VWC2L: variants seen among roughly 807,000 people sequenced by gnomAD.
The protein encoded by VWC2L is von Willebrand factor C domain containing 2 like, also known as von Willebrand factor C domain-containing protein 2-like.
In VWC2L, 10 loss-of-function variants were observed where a neutral mutation model predicts 21.6. The observed-to-expected ratio is 0.46, with a 90% CI of 0.29 to 0.78. VWC2L has a LOEUF of 0.78. VWC2L is among the 30% of genes least tolerant of loss of function. VWC2L has a pLI of 0.10. For synonymous variants in VWC2L, 96 were observed against 94.3 expected (o/e 1.02, Z -0.10); for missense variants, 209 against 277.1 (o/e 0.75, Z 1.74).
At chr2:214,450,813 AATG>A (rs1387967847) in intron 3 of VWC2L, among the ~76,000 whole-genome samples, 5 of 152,166 alleles carry the variant, frequency 3.3e-5, no homozygotes, top group East Asian at 1.9e-4. Flanking sequence ...TGGCTGGTCT[AATG>A]ATGATTAATA....
At chr2:214,500,420 C>T (rs1688876102) in intron 3 of VWC2L, among the ~76,000 whole-genome samples, 1 of 152,174 alleles carries the variant, frequency 6.6e-6, no homozygotes, top group South Asian at 2.1e-4. Context: ...TCTTGCATTG[C>T]CATTCTTTGT....
intron 3 of VWC2L, among the ~76,000 whole-genome samples, chr2:214,548,559 A>C (rs764273070): frequency 2.6e-4 from 39 of 152,218 alleles, no homozygotes; most frequent in Non-Finnish European, 1.6e-4. Flanking sequence ...AGAGCATGGA[A>C]GCATCCTTGA....
chr2:214,414,790 C>T, intron 2 of VWC2L: 1 of 595,752 alleles, frequency 1.7e-6, no homozygotes, highest in South Asian at 2.3e-5. Flanking sequence ...GCACAATAAC[C>T]TTTATTTTTT....
intron 3 of VWC2L, among the ~76,000 whole-genome samples, chr2:214,512,155 C>A (rs1023340204): frequency 1.3e-5 from 2 of 152,086 alleles, no homozygotes; most frequent in Non-Finnish European, 2.9e-5. Context: ...ATAAATTTTT[C>A]TTTCTACAAC....
chr2:214,497,744 A>G (rs1332938833), intron 3 of VWC2L, among the ~76,000 whole-genome samples: 1 of 152,222 alleles, frequency 6.6e-6, no homozygotes, highest in African/African-American at 2.4e-5. Context: ...AGACCTGATG[A>G]ATCAGAATCT....
At chr2:214,518,604 C>T (rs1039403794) in intron 3 of VWC2L, among the ~76,000 whole-genome samples, 1 of 152,182 alleles carries the variant, frequency 6.6e-6, no homozygotes, top group African/African-American at 2.4e-5. Context: ...TGTTTTATGG[C>T]ACTTTCCCCC....
chr2:214,539,309 T>C (rs560490560), intron 3 of VWC2L, among the ~76,000 whole-genome samples: 91 of 152,286 alleles, frequency 6.0e-4, no homozygotes, highest in Non-Finnish European at 9.3e-4. Flanking sequence ...GAAAAGTTTA[T>C]AAAATTACTT....
chr2:214,565,295 T>A (rs111698992), intron 3 of VWC2L, among the ~76,000 whole-genome samples: 1 of 152,222 alleles, frequency 6.6e-6, no homozygotes, highest in African/African-American at 2.4e-5. Flanking sequence ...CCTACTCTTT[T>A]ATTGAGCTTG....
chr2:214,418,423 G>A (rs764952237), intron 2 of VWC2L, among the ~76,000 whole-genome samples: 35 of 152,136 alleles, frequency 2.3e-4, no homozygotes, highest in Non-Finnish European at 4.7e-4. Context: ...CAGGCAGCTT[G>A]ACTGCAGAAT....
In VWC2L at chr2:214,447,639, T is replaced by A. The variant is rs547561729; in HGVS notation, c.520+10881T>A. Among the ~76,000 whole-genome samples, 4 of 152,220 alleles carry A rather than the reference T, an allele frequency of 2.6e-5. No homozygotes were observed. The South Asian group carries it at 8.3e-4, about 32-fold the overall frequency. On this transcript the variant is annotated intron_variant, in intron 3 of 3. Transcript: ENST00000312504. Reference sequence around the variant, plus strand: ...AAACAAAGCTGTGGTGTGTTCTTCATCCTTAAATGTAAATGCCTTCAAAAG... The same window carrying A: ...AAACAAAGCTGTGGTGTGTTCTTCAACCTTAAATGTAAATGCCTTCAAAAG...
chr2:214,495,793 T>C (rs1049527138), intron 3 of VWC2L, among the ~76,000 whole-genome samples: 1 of 152,182 alleles, frequency 6.6e-6, no homozygotes, highest in African/African-American at 2.4e-5. Flanking sequence ...ATTTTACACA[T>C]AAGGATATAT....
At chr2:214,508,654 CCTTGA>C (rs1043891610) in intron 3 of VWC2L, among the ~76,000 whole-genome samples, 1 of 152,126 alleles carries the variant, frequency 6.6e-6, no homozygotes, top group Non-Finnish European at 1.5e-5. Flanking sequence ...TCATAAGAAT[CCTTGA>C]CTTTTCTTCT....
chr2:214,484,567 T>A (rs1319522136), intron 3 of VWC2L, among the ~76,000 whole-genome samples: 1 of 152,132 alleles, frequency 6.6e-6, no homozygotes, highest in Non-Finnish European at 1.5e-5. Context: ...GGCAGAACAA[T>A]GGAAAATCAT....
chr2:214,449,480 C>A (rs940218276), intron 3 of VWC2L, among the ~76,000 whole-genome samples: 6 of 152,184 alleles, frequency 3.9e-5, no homozygotes, highest in Admixed American at 3.3e-4. Flanking sequence ...ATAGTTAATT[C>A]TAGATATCAC....
At chr2:214,426,448 A>C (rs1702525823) in intron 2 of VWC2L, among the ~76,000 whole-genome samples, 1 of 152,206 alleles carries the variant, frequency 6.6e-6, no homozygotes, top group African/African-American at 2.4e-5. Context: ...CTGAGTAGAC[A>C]GCCACCAAAC....
At chr2:214,440,919 G>C (rs1559291565) in intron 3 of VWC2L, among the ~76,000 whole-genome samples, 1 of 152,038 alleles carries the variant, frequency 6.6e-6, no homozygotes, top group African/African-American at 2.4e-5. Flanking sequence ...GTTTTCACTG[G>C]AATACACAGT....
chr2:214,412,992 T>C (rs1377775549), intron 1 of VWC2L, among the ~76,000 whole-genome samples: 1 of 152,066 alleles, frequency 6.6e-6, no homozygotes, highest in East Asian at 1.9e-4. Context: ...CTCTGTGTGA[T>C]TTAGTTATTC....
At chr2:214,426,100 A>G (rs546092166) in intron 2 of VWC2L, among the ~76,000 whole-genome samples, 105 of 136,182 alleles carry the variant, frequency 7.7e-4, no homozygotes, top group African/African-American at 2.7e-3. Flanking sequence ...TGAACCCAGG[A>G]GGTGGAAGTT....
intron 2 of VWC2L, among the ~76,000 whole-genome samples, chr2:214,435,459 C>T (rs1331644899): frequency 6.6e-6 from 1 of 152,094 alleles, no homozygotes; most frequent in Non-Finnish European, 1.5e-5. Context: ...AAAGCAAAGA[C>T]AAAATGAATT....
Sources: gnomAD v4.1 joint callset for allele counts (sites outside exome capture counted in the v4.1 genomes callset) on GRCh38, gnomAD v4.1.1 for gene constraint, MANE v1.5 for transcripts, NCBI Gene and HGNC (gene_info 2026-07-23, HGNC 2026-07-21) for gene names.